ELOVL6: variants seen among roughly 807,000 people sequenced by gnomAD.
ELOVL6 encodes ELOVL fatty acid elongase 6, also known as very long chain fatty acid elongase 6.
Under a neutral mutation model 31.7 loss-of-function variants are expected in ELOVL6, and 8 were observed. The ratio of observed to expected loss-of-function variants is 0.25; its 90% CI spans 0.15 to 0.45. The LOEUF (loss-of-function observed/expected upper bound fraction) is 0.45, where lower values mean the gene tolerates loss of function less well. ELOVL6 is among the 20% of genes least tolerant of loss of function. The pLI, the probability that ELOVL6 is intolerant of heterozygous loss-of-function variation, is 1.00. For synonymous variants in ELOVL6, 101 were observed against 117.7 expected, an observed-to-expected ratio of 0.86 and a Z score of 0.92; for missense variants, 126 against 326.4, an observed-to-expected ratio of 0.39 and a Z score of 4.73.
chr4:110,084,551 C>CAGATATATATTTTTAT (rs1163599448), intron 2 of ELOVL6, among the ~76,000 whole-genome samples: 4 of 64,700 alleles, frequency 6.2e-5, no homozygotes, highest in African/African-American at 3.7e-4. Context: ...CACACACACA[C>CAGATATATATTTTTAT]ACACACACAC....
At chr4:110,144,487 A>T (rs1235713737) in intron 1 of ELOVL6, among the ~76,000 whole-genome samples, 1 of 152,196 alleles carries the variant, frequency 6.6e-6, no homozygotes, top group Non-Finnish European at 1.5e-5. Flanking sequence ...AACATTTTAT[A>T]TAAATAATTT....
At chr4:110,129,237 T>C (rs1757597800) in intron 1 of ELOVL6, among the ~76,000 whole-genome samples, 1 of 152,068 alleles carries the variant, frequency 6.6e-6, no homozygotes, top group South Asian at 2.1e-4. Context: ...TATTGTTTTA[T>C]ATATTTCTCA....
intron 2 of ELOVL6, among the ~76,000 whole-genome samples, chr4:110,083,643 A>AGGCTGCT (rs1755954957): frequency 2.0e-5 from 3 of 151,666 alleles, no homozygotes; most frequent in Admixed American, 1.3e-4. Context: ...TTAATAATAC[A>AGGCTGCT]GGCTGCTGTG....
chr4:110,084,421 TATCA>T (rs1756133587), intron 2 of ELOVL6, among the ~76,000 whole-genome samples: 2 of 84,632 alleles, frequency 2.4e-5, no homozygotes, highest in East Asian at 3.7e-4. Context: ...ATACATGATA[TATCA>T]CATATATCAT....
chr4:110,167,736 G>A (rs1218888188), intron 1 of ELOVL6, among the ~76,000 whole-genome samples: 1 of 151,958 alleles, frequency 6.6e-6, no homozygotes, highest in Non-Finnish European at 1.5e-5. Context: ...GGGTCTCCCT[G>A]TGCTGCTCAG....
At chr4:110,057,904 T>C (rs1338290337) in intron 3 of ELOVL6, among the ~76,000 whole-genome samples, 1 of 148,198 alleles carries the variant, frequency 6.7e-6, no homozygotes, top group Non-Finnish European at 1.5e-5. Flanking sequence ...AAAGAATACA[T>C]GCTCACACTC....
chr4:110,196,212 A>C (rs1011487034), intron 1 of ELOVL6, among the ~76,000 whole-genome samples: 1 of 152,208 alleles, frequency 6.6e-6, no homozygotes, highest in Non-Finnish European at 1.5e-5. Flanking sequence ...AGCGAGGGAA[A>C]GCGGACTCCG....
chr4:110,172,587 C>T (rs114473155), intron 1 of ELOVL6, among the ~76,000 whole-genome samples: 193 of 152,270 alleles, frequency 1.3e-3, no homozygotes, highest in African/African-American at 4.5e-3. Context: ...GGATTAGGCA[C>T]TGAGAAAGAA....
chr4:110,084,557 C>G (rs1286293217), intron 2 of ELOVL6, among the ~76,000 whole-genome samples: 46 of 62,158 alleles, frequency 7.4e-4, no homozygotes, highest in African/African-American at 3.9e-3. Context: ...CACACACACA[C>G]ACACAGATAT....
intron 2 of ELOVL6, among the ~76,000 whole-genome samples, chr4:110,085,940 C>T (rs990727444): frequency 1.3e-5 from 2 of 152,148 alleles, no homozygotes; most frequent in Admixed American, 6.5e-5. Flanking sequence ...CCCACCTTGG[C>T]CTCCCAAAGT....
intron 1 of ELOVL6, among the ~76,000 whole-genome samples, chr4:110,191,430 C>T (rs921896286): frequency 2.6e-5 from 4 of 152,092 alleles, no homozygotes; most frequent in Non-Finnish European, 4.4e-5. Context: ...TAAATGGGAG[C>T]GGGTGGATGT....
At chr4:110,066,073 C>T (rs1755290212) in intron 2 of ELOVL6, among the ~76,000 whole-genome samples, 1 of 152,112 alleles carries the variant, frequency 6.6e-6, no homozygotes, top group South Asian at 2.1e-4. Flanking sequence ...TTCTATCCTA[C>T]AATCAAAGGG....
intron 2 of ELOVL6, among the ~76,000 whole-genome samples, chr4:110,062,075 C>T (rs548405068): frequency 6.6e-6 from 1 of 152,266 alleles, no homozygotes; most frequent in South Asian, 2.1e-4. Flanking sequence ...ATTAAGCTAA[C>T]TCTGGCTAGT....
chr4:110,158,658 T>TATATATATATATATATA (rs35622604), intron 1 of ELOVL6, among the ~76,000 whole-genome samples: 30 of 59,538 alleles, frequency 5.0e-4, no homozygotes, highest in African/African-American at 2.6e-3. Flanking sequence ...TATATATATA[T>TATATATATATATATATA]TTTTTTTTTT....
chr4:110,084,184 A>ATC (rs1491271652), intron 2 of ELOVL6, among the ~76,000 whole-genome samples: 1 of 97,634 alleles, frequency 1.0e-5, no homozygotes, highest in African/African-American at 3.8e-5. Flanking sequence ...TGATATATAT[A>ATC]ACATATAACT....
At chr4:110,155,153 T>G (rs1005370177) in intron 1 of ELOVL6, among the ~76,000 whole-genome samples, 1 of 152,142 alleles carries the variant, frequency 6.6e-6, no homozygotes, top group Non-Finnish European at 1.5e-5. Flanking sequence ...TTTTTTAAAC[T>G]TCTATGAACA....
chr4:110,126,560 G>A (rs188004031), intron 1 of ELOVL6, among the ~76,000 whole-genome samples: 6 of 152,226 alleles, frequency 3.9e-5, no homozygotes, highest in Non-Finnish European at 8.8e-5. Context: ...AAATTTAAGA[G>A]GATTTGAAGG....
intron 3 of ELOVL6, among the ~76,000 whole-genome samples, chr4:110,056,790 G>A (rs1754997667): frequency 6.6e-6 from 1 of 152,148 alleles, no homozygotes; most frequent in African/African-American, 2.4e-5. Flanking sequence ...CACCACTCCT[G>A]TTGACTGCAA....
At chr4:110,130,277 A>G (rs543536281) in intron 1 of ELOVL6, among the ~76,000 whole-genome samples, 87 of 152,292 alleles carry the variant, frequency 5.7e-4, no homozygotes, top group Middle Eastern at 3.4e-3. Flanking sequence ...TACTAACAGT[A>G]TGTGGGATTC....
Sources: allele counts gnomAD v4.1 joint callset (sites outside exome capture counted in the v4.1 genomes callset), GRCh38; gene constraint gnomAD v4.1.1; transcripts MANE v1.5; gene names NCBI Gene and HGNC (gene_info 2026-07-23, HGNC 2026-07-21).